The following GLMN variants were observed in gnomAD, a reference collection of about 807,000 sequenced individuals.
The protein encoded by GLMN is glomulin, FKBP associated protein.
Under a neutral mutation model 87.8 loss-of-function variants are expected in GLMN, and 75 were observed. The observed-to-expected ratio is 0.85, with a 90% CI of 0.71 to 1.04. The LOEUF is 1.04. Ranked by LOEUF, GLMN falls within the 50% of genes least tolerant of loss-of-function variation. GLMN has a pLI of 0.00. For synonymous variants in GLMN, 206 were observed against 221.6 expected, an observed-to-expected ratio of 0.93 and a Z score of 0.63; for missense variants, 588 against 658.8, an observed-to-expected ratio of 0.89 and a Z score of 1.18.
At chr1:92,336,328 G>T in the GLMN span, 3 of 1,572,542 alleles carry the variant, frequency 1.9e-6, no homozygotes, top group Non-Finnish European at 2.6e-6. Flanking sequence ...TAAAATAAAT[G>T]TAATTTTTAA....
At chr1:92,277,495 TG>T (rs1412306303) in intron 7 of GLMN, among the ~76,000 whole-genome samples, 2 of 152,228 alleles carry the variant, frequency 1.3e-5, no homozygotes, top group Non-Finnish European at 2.9e-5. Flanking sequence ...GGATGGGAGC[TG>T]GTTGCCAAGG....
At chr1:92,283,562 G>A (rs1382239136) in intron 7 of GLMN, among the ~76,000 whole-genome samples, 2 of 152,136 alleles carry the variant, frequency 1.3e-5, no homozygotes, top group Non-Finnish European at 2.9e-5. Flanking sequence ...AATGGCACAA[G>A]ACAAGGAAGC....
chr1:92,347,983 C>T, the GLMN span, among the ~76,000 whole-genome samples: 1 of 152,048 alleles, frequency 6.6e-6, no homozygotes, highest in Non-Finnish European at 1.5e-5. Flanking sequence ...AATCTCGGCT[C>T]ACTGCAGCCT....
chr1:92,353,359 C>A, the GLMN span, among the ~76,000 whole-genome samples: 23 of 152,132 alleles, frequency 1.5e-4, no homozygotes, highest in Non-Finnish European at 2.6e-4. Flanking sequence ...TCTCATCTTG[C>A]TTCACACCCA....
chr1:92,272,409 A>G (rs1343065839), intron 7 of GLMN, among the ~76,000 whole-genome samples: 4 of 152,378 alleles, frequency 2.6e-5, no homozygotes, highest in Non-Finnish European at 4.4e-5. Context: ...CGTATTTTAC[A>G]TAGCATTTTA....
At chr1:92,251,581 A>G (rs929266624) in intron 16 of GLMN, among the ~76,000 whole-genome samples, 2 of 152,118 alleles carry the variant, frequency 1.3e-5, no homozygotes, top group African/African-American at 4.8e-5. Flanking sequence ...AATAAAATTG[A>G]TAAGTTGGAC....
At chr1:92,329,226 T>C in the GLMN span, among the ~76,000 whole-genome samples, 1 of 152,104 alleles carries the variant, frequency 6.6e-6, no homozygotes, top group African/African-American at 2.4e-5. Flanking sequence ...CCCAAGAGAT[T>C]AAGTCCTTTG....
the GLMN span, among the ~76,000 whole-genome samples, chr1:92,310,938 T>C: frequency 6.6e-6 from 1 of 152,224 alleles, no homozygotes; most frequent in South Asian, 2.1e-4. Flanking sequence ...CTTATTGAAA[T>C]GACTTCCAAA....
At chr1:92,320,725 C>T in the GLMN span, 2 of 936,762 alleles carry the variant, frequency 2.1e-6, no homozygotes, top group Non-Finnish European at 3.4e-6. Flanking sequence ...CTTGGACTTC[C>T]TGTGCTGATG....
intron 5 of GLMN, among the ~76,000 whole-genome samples, chr1:92,289,736 TCTC>T (rs1649182633): frequency 6.6e-6 from 1 of 152,244 alleles, no homozygotes; most frequent in East Asian, 1.9e-4. Flanking sequence ...TCATCCCATA[TCTC>T]CTCGTTTCAT....
rs1443832058 is a variant in GLMN at position 92,246,462 on chromosome 1, A to G, written c.*68T>C. On this transcript the variant is annotated 3_prime_UTR_variant, in exon 19 of 19. Transcript: ENST00000370360. ...AAATTTTTACAGAAAAATTTTTTAT[A>G]AAGGTATTAAATGAATCATAATGGA... 4.1e-6 allele frequency: 3 copies of G among 737,464 alleles called. No homozygotes were observed. The highest frequency in any genetic ancestry group is 2.7e-5 in the East Asian group (1 of 37,340). The allele number at this position is 737,464 out of a possible 1,614,324, so 45.7% of individuals were successfully genotyped here. A position where few individuals can be genotyped will look rare whatever the true frequency, so the allele number is the denominator to read the frequency against.
the GLMN span, among the ~76,000 whole-genome samples, chr1:92,341,950 G>A: frequency 5.9e-5 from 9 of 152,272 alleles, no homozygotes; most frequent in African/African-American, 2.2e-4. Flanking sequence ...GCCAGGAAAG[G>A]AAATTTTATT....
At chr1:92,249,661 T>G (rs1283953155) in intron 16 of GLMN, among the ~76,000 whole-genome samples, 1 of 152,146 alleles carries the variant, frequency 6.6e-6, no homozygotes, top group African/African-American at 2.4e-5. Flanking sequence ...CTAGCTACAT[T>G]GAAATATACA....
At chr1:92,310,015 A>T in the GLMN span, among the ~76,000 whole-genome samples, 3 of 152,156 alleles carry the variant, frequency 2.0e-5, no homozygotes, top group African/African-American at 7.2e-5. Context: ...ATTTAATCCA[A>T]CCCCTTCATT....
At chr1:92,323,830 A>G in the GLMN span, 4 of 1,614,116 alleles carry the variant, frequency 2.5e-6, no homozygotes, top group African/African-American at 1.3e-5. Context: ...TTCAAATAGC[A>G]CTTTGCCTGA....
At chr1:92,359,100 G>A in the GLMN span, among the ~76,000 whole-genome samples, 19 of 152,192 alleles carry the variant, frequency 1.2e-4, no homozygotes, top group East Asian at 1.2e-3. Flanking sequence ...ACTAGTAACA[G>A]CCTAGTTAAA....
At position 92,263,745 on chromosome 1, in the gene GLMN, C is replaced by G. The variant is rs746566671; in HGVS notation, c.1300-13G>C. ...TGTTACGTGTTCTCTGAAAAGCAAA[C>G]GAAAAATTGAGAAAGCTTTATAATT... On this transcript the variant is annotated splice_polypyrimidine_tract_variant and intron_variant, in intron 14 of 18. Transcript: ENST00000370360. The G allele has an allele frequency of 3.1e-6, 4 of 1,271,248 alleles. No individual in the cohort carries two copies. The African/African-American group carries it at 4.4e-5, about 14-fold the overall frequency. 78.7% of individuals were successfully genotyped at this position (1,271,248 alleles called of 1,614,324 possible).
chr1:92,305,416 G>C, the GLMN span, among the ~76,000 whole-genome samples: 5 of 73,572 alleles, frequency 6.8e-5, no homozygotes, highest in East Asian at 1.5e-3. Flanking sequence ...CGGGGCAACA[G>C]AGTGAGGCTC....
chr1:92,350,626 T>A, the GLMN span, among the ~76,000 whole-genome samples: 1 of 152,232 alleles, frequency 6.6e-6, no homozygotes, highest in Admixed American at 6.5e-5. Flanking sequence ...TTAATAAAAA[T>A]GTATATAAGT....
Sources: gnomAD v4.1 joint callset for allele counts (sites outside exome capture counted in the v4.1 genomes callset) on GRCh38, gnomAD v4.1.1 for gene constraint, MANE v1.5 for transcripts, NCBI Gene and HGNC (gene_info 2026-07-23, HGNC 2026-07-21) for gene names.